ADARB2: variants seen among roughly 807,000 people sequenced by gnomAD.
The protein encoded by ADARB2 is adenosine deaminase RNA specific B2 (inactive).
ADARB2 carries 25 observed loss-of-function variants against 62.2 expected under a neutral mutation model. The observed-to-expected ratio is 0.40, with a 90% CI of 0.29 to 0.56. The LOEUF is 0.56. Ranked by LOEUF, ADARB2 falls within the 20% of genes least tolerant of loss-of-function variation. The pLI, the probability that ADARB2 is intolerant of heterozygous loss-of-function variation, is 0.43. For missense variants in ADARB2, 1,071 were observed against 1,077.4 expected (o/e 0.99, Z 0.08); for synonymous variants, 572 against 500.8 (o/e 1.14, Z -1.90).
At chr10:1,456,168 G>T (rs79582147) in intron 1 of ADARB2, among the ~76,000 whole-genome samples, 9,752 of 152,222 alleles carry the variant, frequency 0.064, 385 homozygotes, top group East Asian at 0.15. Flanking sequence ...GGGACCCGGC[G>T]AGGGAAAAAG....
At chr10:1,278,114 C>G (rs185874806) in intron 3 of ADARB2, among the ~76,000 whole-genome samples, 2 of 151,946 alleles carry the variant, frequency 1.3e-5, no homozygotes, top group Non-Finnish European at 2.9e-5. Context: ...GGACTACAGG[C>G]GCGCGCCACT....
intron 1 of ADARB2, among the ~76,000 whole-genome samples, chr10:1,605,501 C>T (rs944644004): frequency 1.4e-4 from 22 of 152,206 alleles, no homozygotes; most frequent in African/African-American, 4.6e-4. Flanking sequence ...AGTAAAAAGT[C>T]CAGGGTGACC....
intron 1 of ADARB2, among the ~76,000 whole-genome samples, chr10:1,503,480 A>G (rs1831793125): frequency 6.6e-6 from 1 of 152,068 alleles, no homozygotes; most frequent in Non-Finnish European, 1.5e-5. Flanking sequence ...AAAAGCAGTC[A>G]ATTCCCTTTC....
chr10:1,404,827 A>G (rs1188020245), intron 1 of ADARB2, among the ~76,000 whole-genome samples: 1 of 152,210 alleles, frequency 6.6e-6, no homozygotes, highest in East Asian at 1.9e-4. Flanking sequence ...GCTGGAACAG[A>G]ATATATTAGG....
At chr10:1,476,655 G>T (rs766868270) in intron 1 of ADARB2, among the ~76,000 whole-genome samples, 2 of 152,120 alleles carry the variant, frequency 1.3e-5, no homozygotes, top group Admixed American at 1.3e-4. Flanking sequence ...CCATCTGACC[G>T]CCGTTTCCAT....
intron 1 of ADARB2, among the ~76,000 whole-genome samples, chr10:1,580,269 T>C (rs1039064679): frequency 6.6e-6 from 1 of 152,182 alleles, no homozygotes; most frequent in Non-Finnish European, 1.5e-5. Flanking sequence ...GCCCTCCTCC[T>C]GCCCTCCACC....
intron 1 of ADARB2, among the ~76,000 whole-genome samples, chr10:1,537,319 C>T (rs1832345370): frequency 1.3e-5 from 2 of 152,134 alleles, no homozygotes; most frequent in African/African-American, 4.8e-5. Context: ...ACAATAAATG[C>T]CAGTGAGGAT....
chr10:1,303,939 A>G (rs1831600305), intron 3 of ADARB2, among the ~76,000 whole-genome samples: 2 of 152,238 alleles, frequency 1.3e-5, no homozygotes, highest in African/African-American at 4.8e-5. Context: ...TGTAAAGACC[A>G]TTGAGACTAG....
intron 3 of ADARB2, among the ~76,000 whole-genome samples, chr10:1,340,028 C>T (rs928131569): frequency 1.3e-5 from 2 of 152,112 alleles, no homozygotes; most frequent in African/African-American, 4.8e-5. Flanking sequence ...GCTGTGGCCC[C>T]AGACAGCCTA....
intron 1 of ADARB2, among the ~76,000 whole-genome samples, chr10:1,400,707 G>T (rs1588244739): frequency 6.6e-6 from 1 of 152,194 alleles, no homozygotes; most frequent in African/African-American, 2.4e-5. Context: ...TGCCCGGGAC[G>T]AGATGGCACT....
At chr10:1,355,267 G>C (rs1047745800) in intron 3 of ADARB2, among the ~76,000 whole-genome samples, 1 of 152,184 alleles carries the variant, frequency 6.6e-6, no homozygotes, top group Non-Finnish European at 1.5e-5. Flanking sequence ...AGTGTTCTGT[G>C]TCCTCCATCA....
chr10:1,728,909 C>T (rs1835198451), intron 1 of ADARB2, among the ~76,000 whole-genome samples: 1 of 152,234 alleles, frequency 6.6e-6, no homozygotes, highest in Non-Finnish European at 1.5e-5. Context: ...CTACATTCCT[C>T]ATGCTACTGT....
At chr10:1,262,471 C>T (rs181547616) in intron 4 of ADARB2, among the ~76,000 whole-genome samples, 78 of 151,990 alleles carry the variant, frequency 5.1e-4, no homozygotes, top group African/African-American at 1.3e-3. Context: ...AAAAAGTGGG[C>T]GAAGGTATGA....
chr10:1,243,297 G>T (rs1044295865), intron 4 of ADARB2, among the ~76,000 whole-genome samples: 2 of 152,226 alleles, frequency 1.3e-5, no homozygotes, highest in East Asian at 3.9e-4. Flanking sequence ...CGCTGACCGC[G>T]GCCACGTCCA....
intron 1 of ADARB2, among the ~76,000 whole-genome samples, chr10:1,492,660 C>T (rs1226396201): frequency 1.3e-5 from 2 of 152,084 alleles, no homozygotes; most frequent in Non-Finnish European, 2.9e-5. Flanking sequence ...TGCAGCATTT[C>T]ACCTGGGACT....
At chr10:1,556,749 G>T (rs551102627) in intron 1 of ADARB2, 3 of 534,532 alleles carry the variant, frequency 5.6e-6, no homozygotes, top group South Asian at 4.2e-5. Context: ...GTGGGAGCCA[G>T]CCGGCCCCCA....
intron 1 of ADARB2, among the ~76,000 whole-genome samples, chr10:1,642,514 A>G (rs1369245997): frequency 6.6e-6 from 1 of 152,238 alleles, no homozygotes; most frequent in Admixed American, 6.5e-5. Context: ...TGGCTCAAAT[A>G]ACATATTATA....
chr10:1,225,210 G>A (rs531190417), intron 6 of ADARB2, among the ~76,000 whole-genome samples: 9 of 151,760 alleles, frequency 5.9e-5, no homozygotes, highest in Non-Finnish European at 8.8e-5. Context: ...TGGTTTAAAG[G>A]CTGTTTTATT....
chr10:1,451,434 C>G (rs753239043), intron 1 of ADARB2, among the ~76,000 whole-genome samples: 2 of 152,210 alleles, frequency 1.3e-5, no homozygotes, highest in Non-Finnish European at 2.9e-5. Flanking sequence ...TCTGAGGCAA[C>G]TTGGACTGAT....
Sources: gnomAD v4.1 joint callset for allele counts (sites outside exome capture counted in the v4.1 genomes callset) on GRCh38, gnomAD v4.1.1 for gene constraint, MANE v1.5 for transcripts, NCBI Gene and HGNC (gene_info 2026-07-23, HGNC 2026-07-21) for gene names.